VPS72: variants seen among roughly 807,000 people sequenced by gnomAD.
VPS72 encodes vacuolar protein sorting 72 homolog.
In VPS72, 27 loss-of-function variants were observed where a neutral mutation model predicts 38.9. That is an observed-to-expected ratio of 0.69 (90% CI 0.51 to 0.96). The LOEUF (loss-of-function observed/expected upper bound fraction) is 0.96. Ranked by LOEUF, VPS72 falls within the 40% of genes least tolerant of loss-of-function variation. VPS72 has a pLI of 0.00. For missense variants in VPS72, 360 were observed against 479.5 expected (o/e 0.75, Z 2.33); for synonymous variants, 173 against 186.3 (o/e 0.93, Z 0.58).
chr1:151,177,085 A>G (rs752307758), intron 5 of VPS72, 54 bp from the exon 6 acceptor site: 18 of 1,487,676 alleles, frequency 1.2e-5, no homozygotes, highest in Non-Finnish European at 1.6e-5. Flanking sequence ...AAGACAACAG[A>G]TACAGAAAGA....
intron 4 of VPS72, 86 bp downstream of exon 4, chr1:151,184,231 C>T (rs1163048572): frequency 1.3e-6 from 2 of 1,523,988 alleles, no homozygotes; most frequent in Non-Finnish European, 8.9e-7. Flanking sequence ...ATTTCCATCT[C>T]TCCAGTTCTT....
Position 151,176,892 on chromosome 1 carries a change from G to A in VPS72, c.847C>T (p.Pro283Ser). The change falls in exon 6 of 6, where the codon CCC (proline) becomes TCC (serine). Residue 283 changes from proline (P) to serine (S), a missense_variant. By Grantham distance (74) the Pro-to-Ser change is moderately conservative. Around this residue, in one of 2 missense-constraint regions of VPS72, gnomAD observed 294 missense variants for 356.3 expected, o/e 0.83. Coordinates refer to ENST00000368892, the MANE Select transcript of VPS72 (RefSeq NM_005997.3). ...ACCTCACGAACAGGGACTTTTGGGGGCCGCCCTTGGGGGAACCATTCCTCG... is the reference window on the plus strand; with the variant it reads ...ACCTCACGAACAGGGACTTTTGGGGACCGCCCTTGGGGGAACCATTCCTCG... ...TFEEWFPQGR[P>S]PKVPVREVCP... is the part of the protein sequence containing the mutation. 6.2e-7 allele frequency: 1 copy of A among 1,614,126 alleles called. No individual in the cohort carries two copies. The highest frequency in any genetic ancestry group is 8.5e-7 in the Non-Finnish European group (1 of 1,180,020).
At chr1:151,184,808 A>T (rs1297293531) in intron 3 of VPS72, among the ~76,000 whole-genome samples, 1 of 152,014 alleles carries the variant, frequency 6.6e-6, no homozygotes, top group Non-Finnish European at 1.5e-5. Flanking sequence ...GATGGTCTTG[A>T]ACTACTGACC....
Position 151,178,093 on chromosome 1 carries a change from C to T in VPS72, c.615G>A (p.Arg205=). 3 of 1,614,132 alleles carry T rather than the reference C, an allele frequency of 1.9e-6. No homozygotes were observed. Among genetic ancestry groups the T allele is most frequent in the Non-Finnish European group, 2.5e-6 (3 of 1,180,030 alleles). The part of the protein sequence containing the change: ...ADKKKQVHKK[R]KCPGPIITYH... The stretch of plus-strand genomic sequence containing the variant: ...AGGTGATTATGGGCCCGGGGCACTT[C>T]CGCTTCTTATGAACCTGCTTCTTTT... Residue 205 remains arginine (R), a synonymous_variant, in exon 5 of 6, where the codon CGG becomes CGA. Transcript: ENST00000368892.
At chr1:151,186,094 C>T in intron 1 of VPS72, 144 bp from the exon 2 acceptor site, 1 of 1,061,334 alleles carries the variant, frequency 9.4e-7, no homozygotes, top group Non-Finnish European at 1.3e-6. Flanking sequence ...GGCAAGAAAA[C>T]TTTCTAGCTA....
chr1:151,184,471 A>T lies in VPS72; in HGVS notation c.408T>A (p.Ser136=), dbSNP rs750146779. 1 of 1,613,616 alleles carries T rather than the reference A, an allele frequency of 6.2e-7. No individual in the cohort carries two copies. Among genetic ancestry groups the T allele is most frequent in the Non-Finnish European group, 8.5e-7 (1 of 1,179,976 alleles). ...ACGTTTGTCGTGTATGCTCAGCTGT[A>T]GACTGACGCATAGACTTCCGACCTG... ...GSDSRKSMRQ[S]TAEHTRQTFL... is the part of the protein sequence containing the mutation. The change falls in exon 4 of 6, where the codon TCT becomes TCA. Residue 136 remains serine (S), a synonymous_variant. Coordinates refer to ENST00000368892, the MANE Select transcript of VPS72 (RefSeq NM_005997.3).
chr1:151,177,063 A>T, intron 5 of VPS72, 32 bp from the exon 6 acceptor site: 1 of 1,519,138 alleles, frequency 6.6e-7, no homozygotes, highest in Non-Finnish European at 8.8e-7. Context: ...AAACACAAAG[A>T]GCTGAGGAGA....
intron 4 of VPS72, among the ~76,000 whole-genome samples, chr1:151,180,109 A>G (rs1289842719): frequency 6.6e-6 from 1 of 151,924 alleles, no homozygotes; most frequent in Admixed American, 6.6e-5. Context: ...ACCTGAGGTC[A>G]GGAGTTTGAG....
At chr1:151,185,972 G>C (rs755460432) in intron 1 of VPS72, 22 bp from the exon 2 acceptor site, 1 of 1,611,958 alleles carries the variant, frequency 6.2e-7, no homozygotes, top group Admixed American at 1.7e-5. Context: ...GGGAGATAAG[G>C]GTTGGCTGGC....
At chr1:151,188,208 T>C (rs1197977095) in intron 1 of VPS72, among the ~76,000 whole-genome samples, 1 of 152,206 alleles carries the variant, frequency 6.6e-6, no homozygotes, top group Non-Finnish European at 1.5e-5. Flanking sequence ...AGCTAATTTT[T>C]TGCATTTTTA....
chr1:151,176,340 T>G lies in VPS72; in HGVS notation c.*304A>C, dbSNP rs1684096434. The stretch of plus-strand genomic sequence containing the variant: ...AATTTTCAGATGTTTATAATTTAGT[T>G]GGAGGAATGAATACAATTTAGAAAG... On this transcript the variant is annotated 3_prime_UTR_variant, in exon 6 of 6. Transcript: ENST00000368892. The G allele has an allele frequency of 2.9e-6, 1 of 343,184 alleles. No homozygotes were observed. Among genetic ancestry groups the G allele is most frequent in the Non-Finnish European group, 5.4e-6 (1 of 186,858 alleles). The allele number at this position is 343,184 out of a possible 1,614,324, so 21.3% of individuals were successfully genotyped here.
chr1:151,185,693 A>C, intron 2 of VPS72, 73 bp from the exon 3 acceptor site: 1 of 1,608,182 alleles, frequency 6.2e-7, no homozygotes, highest in Non-Finnish European at 8.5e-7. Flanking sequence ...CAATGAGAGA[A>C]AACTAGCATT....
chr1:151,189,892 T>C lies in VPS72; in HGVS notation c.117+113A>G, dbSNP rs1684427732. 6.4e-6 allele frequency: 8 copies of C among 1,245,458 alleles called. No homozygotes were observed. The East Asian group carries it at 1.9e-4, about 29-fold the overall frequency. 77.2% of individuals were successfully genotyped at this position (1,245,458 alleles called of 1,614,324 possible). On this transcript the variant is annotated intron_variant, in intron 1 of 5. Coordinates refer to ENST00000368892, the MANE Select transcript of VPS72 (RefSeq NM_005997.3). ...CCGATTCACCCACCCAACTCGAGTA[T>C]CAGCTCCCAGAGCTCCTCTCTATTC...
Position 151,176,890 on chromosome 1 carries a change from G to C in VPS72, c.849C>G (p.Pro283=). The C allele has an allele frequency of 6.2e-7, 1 of 1,614,136 alleles. No individual in the cohort carries two copies. Among genetic ancestry groups the C allele is most frequent in the African/African-American group, 1.3e-5 (1 of 75,026 alleles). ...TFEEWFPQGR[P]PKVPVREVCP... ...AGACCTCACGAACAGGGACTTTTGGGGGCCGCCCTTGGGGGAACCATTCCT... is the reference window on the plus strand; with the variant it reads ...AGACCTCACGAACAGGGACTTTTGGCGGCCGCCCTTGGGGGAACCATTCCT... Residue 283 remains proline, a synonymous_variant, in exon 6 of 6, where the codon CCC becomes CCG. Coordinates refer to ENST00000368892, the MANE Select transcript of VPS72 (RefSeq NM_005997.3).
chr1:151,187,000 C>T (rs1684365725), intron 1 of VPS72, among the ~76,000 whole-genome samples: 1 of 152,100 alleles, frequency 6.6e-6, no homozygotes, highest in Non-Finnish European at 1.5e-5. Flanking sequence ...TGTGTCATTC[C>T]TCAGGCGTGT....
chr1:151,181,947 G>A (rs1684250615), intron 4 of VPS72, among the ~76,000 whole-genome samples: 1 of 151,984 alleles, frequency 6.6e-6, no homozygotes, highest in African/African-American at 2.4e-5. Context: ...TTGAACTCCT[G>A]GGCTCAAGCG....
chr1:151,178,274 T>C (rs1008176214), intron 4 of VPS72, 129 bp from the exon 5 acceptor site: 8 of 1,303,502 alleles, frequency 6.1e-6, no homozygotes, highest in Non-Finnish European at 7.1e-6. Flanking sequence ...GAGACAACTA[T>C]GGAAGTCCCC....
At chr1:151,180,850 T>A (rs1684224127) in intron 4 of VPS72, among the ~76,000 whole-genome samples, 1 of 152,336 alleles carries the variant, frequency 6.6e-6, no homozygotes, top group Non-Finnish European at 1.5e-5. Flanking sequence ...TGACTTGCCT[T>A]AACAGAAACC....
At chr1:151,183,526 A>T (rs587609234) in intron 4 of VPS72, among the ~76,000 whole-genome samples, 1 of 148,686 alleles carries the variant, frequency 6.7e-6, no homozygotes, top group South Asian at 2.2e-4. Flanking sequence ...CAGTGGTGTG[A>T]TCTCGGCTCA....
Sources: allele counts gnomAD v4.1 joint callset (sites outside exome capture counted in the v4.1 genomes callset), GRCh38; gene constraint gnomAD v4.1.1; regional missense constraint gnomAD v4.1.1; transcripts MANE v1.5; gene names NCBI Gene and HGNC (gene_info 2026-07-23, HGNC 2026-07-21).